The following FAM163A variants were observed in gnomAD, a reference collection of about 807,000 sequenced individuals.
The protein encoded by FAM163A is family with sequence similarity 163 member A, also known as protein FAM163A.
Under a neutral mutation model 12.0 loss-of-function variants are expected in FAM163A, and 7 were observed. The observed-to-expected ratio is 0.58, with a 90% confidence interval of 0.33 to 1.10. The LOEUF (loss-of-function observed/expected upper bound fraction) is 1.10. Ranked by LOEUF, FAM163A falls within the 50% of genes least tolerant of loss-of-function variation. The probability of loss-of-function intolerance (pLI) is 0.03; values close to 1 mark genes in which losing one functional copy is unlikely to be tolerated. For synonymous variants in FAM163A, 101 were observed against 91.0 expected, an observed-to-expected ratio of 1.11 and a Z score of -0.62; for missense variants, 202 against 218.6, an observed-to-expected ratio of 0.92 and a Z score of 0.48.
chr1:179,741,275 CTAA>C (rs963286152), upstream of FAM163A, among the ~76,000 whole-genome samples: 1 of 152,218 alleles, frequency 6.6e-6, no homozygotes, highest in African/African-American at 2.4e-5. Context: ...CATAAGAAGT[CTAA>C]TAATATTATA....
intron 1 of FAM163A, among the ~76,000 whole-genome samples, chr1:179,779,314 C>T (rs1689405251): frequency 6.6e-6 from 1 of 152,126 alleles, no homozygotes; most frequent in South Asian, 2.1e-4. Context: ...AGGGAGTTGG[C>T]TTAGACCAGG....
At chr1:179,738,231 T>C in the FAM163A span, among the ~76,000 whole-genome samples, 1 of 152,216 alleles carries the variant, frequency 6.6e-6, no homozygotes, top group African/African-American at 2.4e-5. Flanking sequence ...TTCAAATAGC[T>C]AGAAGAGTGG....
At chr1:179,739,445 C>T (rs928252464), upstream of FAM163A, among the ~76,000 whole-genome samples, 2 of 152,196 alleles carry the variant, frequency 1.3e-5, no homozygotes, top group Admixed American at 1.3e-4. Context: ...CAACTCATGG[C>T]CCACTGGCCA....
chr1:179,746,534 T>C (rs944632174), intron 1 of FAM163A, among the ~76,000 whole-genome samples: 1 of 152,224 alleles, frequency 6.6e-6, no homozygotes, highest in Non-Finnish European at 1.5e-5. Flanking sequence ...GCTCGTGTTA[T>C]ACAAGAGGAA....
intron 1 of FAM163A, among the ~76,000 whole-genome samples, chr1:179,770,378 A>C (rs1233469475): frequency 4.0e-5 from 6 of 151,796 alleles, no homozygotes; most frequent in African/African-American, 1.5e-4. Context: ...CCCACTCAGC[A>C]CTCTTAGCCT....
At chr1:179,755,445 C>T (rs1279463556) in intron 1 of FAM163A, among the ~76,000 whole-genome samples, 1 of 152,084 alleles carries the variant, frequency 6.6e-6, no homozygotes, top group Admixed American at 6.5e-5. Context: ...TCACAGAGGC[C>T]ATCTTTGTGC....
chr1:179,736,017 C>T, the FAM163A span, among the ~76,000 whole-genome samples: 1 of 152,134 alleles, frequency 6.6e-6, no homozygotes, highest in African/African-American at 2.4e-5. Context: ...ACACCATACA[C>T]AAAATGTTAA....
At chr1:179,788,732 T>C (rs180935203) in intron 1 of FAM163A, among the ~76,000 whole-genome samples, 3 of 152,256 alleles carry the variant, frequency 2.0e-5, no homozygotes, top group Non-Finnish European at 4.4e-5. Flanking sequence ...TGCAGGAATA[T>C]AGAAATGCAG....
Position 179,813,265 on chromosome 1 carries a change from T to C in FAM163A, c.93+75T>C, listed in dbSNP as rs1310269289. 1.6e-5 allele frequency: 22 copies of C among 1,388,720 alleles called. No individual in the cohort carries two copies. In the Admixed American group the frequency reaches 4.2e-4, roughly 26 times the overall value. The allele number at this position is 1,388,720 out of a possible 1,614,324, so 86.0% of individuals were successfully genotyped here. On this transcript the variant is annotated intron_variant, in intron 4 of 4. Transcript: ENST00000341785. ...TCTTTTTCATTATGGGGGCAGAAAC[T>C]GGAGGCCGACTTCAGGGCCCACAGA...
intron 1 of FAM163A, among the ~76,000 whole-genome samples, chr1:179,799,730 T>C (rs1445346297): frequency 6.6e-6 from 1 of 152,228 alleles, no homozygotes; most frequent in African/African-American, 2.4e-5. Flanking sequence ...TTAACAGGTT[T>C]ACTGGCCTCA....
chr1:179,764,318 G>A lies in FAM163A; in HGVS notation c.-136+20895G>A, dbSNP rs1394425275. Among the ~76,000 whole-genome samples, 5 of 152,134 alleles carry A rather than the reference G, an allele frequency of 3.3e-5. No homozygotes were observed. In the South Asian group the frequency reaches 6.2e-4, roughly 19 times the overall value. On this transcript the variant is annotated intron_variant, in intron 1 of 4. Transcript: ENST00000341785. Reference sequence around the variant, plus strand: ...ACATCTGGGCAGAAGGGGCGGGAACGACGAGGCAGATAAGAATATACCCAT... The same window carrying A: ...ACATCTGGGCAGAAGGGGCGGGAACAACGAGGCAGATAAGAATATACCCAT...
At chr1:179,744,707 C>A (rs1250175483) in intron 1 of FAM163A, among the ~76,000 whole-genome samples, 1 of 152,158 alleles carries the variant, frequency 6.6e-6, no homozygotes, top group Non-Finnish European at 1.5e-5. Context: ...GGCACTTTCT[C>A]CTGTCATTTC....
chr1:179,791,124 A>G (rs1168995939), intron 1 of FAM163A, among the ~76,000 whole-genome samples: 1 of 152,174 alleles, frequency 6.6e-6, no homozygotes, highest in Non-Finnish European at 1.5e-5. Context: ...GTTAGTCTTA[A>G]TCTCAGATAA....
intron 1 of FAM163A, among the ~76,000 whole-genome samples, chr1:179,755,271 G>T (rs1685858140): frequency 1.3e-5 from 2 of 152,294 alleles, no homozygotes; most frequent in Middle Eastern, 6.8e-3. Flanking sequence ...CTGTGATTGG[G>T]GGCAGAATGA....
In FAM163A at chr1:179,792,944, T is replaced by G. The variant is rs914396459; in HGVS notation, c.-135-14854T>G. Among the ~76,000 whole-genome samples, 9 of 151,634 alleles carry G rather than the reference T, an allele frequency of 5.9e-5. No individual in the cohort carries two copies. In the East Asian group the frequency reaches 1.7e-3, roughly 29 times the overall value. Reference sequence around the variant, plus strand: ...CTGGCATCCTGAAAGAGGGGACAGCTGGTTTTGCCCCAGAAAGGGTGCATA... The same window carrying G: ...CTGGCATCCTGAAAGAGGGGACAGCGGGTTTTGCCCCAGAAAGGGTGCATA... On this transcript the variant is annotated intron_variant, in intron 1 of 4. Transcript: ENST00000341785.
At chr1:179,782,563 T>C (rs7531079) in intron 1 of FAM163A, among the ~76,000 whole-genome samples, 51,511 of 151,894 alleles carry the variant, frequency 0.34, 10,414 homozygotes, top group African/African-American at 0.57. Flanking sequence ...CAGAGGCCGT[T>C]GGCCAGGGTT....
At chr1:179,798,356 G>A (rs1229368160) in intron 1 of FAM163A, among the ~76,000 whole-genome samples, 1 of 152,196 alleles carries the variant, frequency 6.6e-6, no homozygotes, top group South Asian at 2.1e-4. Flanking sequence ...TCCTTTGCAG[G>A]CTCCACTGTG....
At chr1:179,777,466 C>T (rs1322024596) in intron 1 of FAM163A, among the ~76,000 whole-genome samples, 9 of 152,140 alleles carry the variant, frequency 5.9e-5, no homozygotes, top group Non-Finnish European at 1.3e-4. Context: ...GATCAGCCTT[C>T]GTGTGCCACC....
upstream of FAM163A, among the ~76,000 whole-genome samples, chr1:179,741,785 G>A (rs556770607): frequency 2.0e-5 from 3 of 152,314 alleles, no homozygotes; most frequent in African/African-American, 4.8e-5. Flanking sequence ...ATAAAGATAC[G>A]TAAGGAAGTA....
Sources: allele counts gnomAD v4.1 joint callset (sites outside exome capture counted in the v4.1 genomes callset), GRCh38; gene constraint gnomAD v4.1.1; transcripts MANE v1.5; gene names NCBI Gene and HGNC (gene_info 2026-07-23, HGNC 2026-07-21).